Variants in MAF observed in about 807,000 individuals in gnomAD.
MAF encodes the protein transcription factor Maf.
MAF carries 10 observed loss-of-function variants against 22.0 expected under a neutral mutation model. The observed-to-expected ratio is 0.45, with a 90% confidence interval of 0.28 to 0.77. MAF has a LOEUF of 0.77. Ranked by LOEUF, MAF falls within the 30% of genes least tolerant of loss-of-function variation. The probability of loss-of-function intolerance (pLI) is 0.12; values close to 1 mark genes in which losing one functional copy is unlikely to be tolerated. For synonymous variants in MAF, 337 were observed against 255.8 expected, an observed-to-expected ratio of 1.32 and a Z score of -3.03; for missense variants, 544 against 548.4, an observed-to-expected ratio of 0.99 and a Z score of 0.08.
chr16:79,460,936 T>G, the MAF span, among the ~76,000 whole-genome samples: 1 of 152,196 alleles, frequency 6.6e-6, no homozygotes, highest in South Asian at 2.1e-4. Context: ...CTTTCTTTCT[T>G]TTTCAGCTCT....
chr16:79,498,733 C>G, the MAF span, among the ~76,000 whole-genome samples: 1 of 152,190 alleles, frequency 6.6e-6, no homozygotes, highest in Non-Finnish European at 1.5e-5. Context: ...TTCTGGAATC[C>G]TTGTATATAA....
At chr16:79,231,466 A>AAACAGTGGTCTCG in the MAF span, among the ~76,000 whole-genome samples, 1 of 152,138 alleles carries the variant, frequency 6.6e-6, no homozygotes, top group Non-Finnish European at 1.5e-5. Context: ...ATGGAACAGA[A>AAACAGTGGTCTCG]AACAGTGGTC....
At chr16:79,213,013 C>CAATT in the MAF span, 1 of 122,850 alleles carries the variant, frequency 8.1e-6, no homozygotes, top group Non-Finnish European at 1.8e-5. Flanking sequence ...TGCTCCCCTG[C>CAATT]AATTAGCAAG....
At chr16:79,407,093 G>A in the MAF span, among the ~76,000 whole-genome samples, 1 of 152,236 alleles carries the variant, frequency 6.6e-6, no homozygotes, top group Admixed American at 6.5e-5. Context: ...TGGCACCAGG[G>A]AGGGTGTCGT....
the MAF span, among the ~76,000 whole-genome samples, chr16:79,311,011 C>T: frequency 6.8e-6 from 1 of 146,940 alleles, no homozygotes; most frequent in East Asian, 2.4e-4. Flanking sequence ...GCTGCGGCTG[C>T]TTTTTCATTT....
chr16:79,386,222 T>A, the MAF span, among the ~76,000 whole-genome samples: 1 of 152,182 alleles, frequency 6.6e-6, no homozygotes, highest in East Asian at 1.9e-4. Flanking sequence ...ATTATTATAC[T>A]GGAATATATA....
the MAF span, among the ~76,000 whole-genome samples, chr16:79,341,115 C>A: frequency 6.6e-6 from 1 of 151,990 alleles, no homozygotes; most frequent in Non-Finnish European, 1.5e-5. Context: ...AGTGTAGGGG[C>A]AGGTGTGGGC....
the MAF span, among the ~76,000 whole-genome samples, chr16:79,442,963 G>T: frequency 6.6e-6 from 1 of 152,172 alleles, no homozygotes; most frequent in Non-Finnish European, 1.5e-5. Context: ...CAGAAATAAG[G>T]GTGGATGAAA....
At chr16:79,507,358 C>T in the MAF span, among the ~76,000 whole-genome samples, 34 of 151,586 alleles carry the variant, frequency 2.2e-4, no homozygotes, top group East Asian at 1.2e-3. Flanking sequence ...CATTGTGATC[C>T]GCCTGCCTTG....
chr16:79,474,369 A>G, the MAF span, among the ~76,000 whole-genome samples: 4 of 152,312 alleles, frequency 2.6e-5, no homozygotes, highest in South Asian at 2.1e-4. Flanking sequence ...ATGAATCCAC[A>G]TATTTCTATC....
chr16:79,496,563 G>T, the MAF span, among the ~76,000 whole-genome samples: 1 of 152,156 alleles, frequency 6.6e-6, no homozygotes, highest in South Asian at 2.1e-4. Context: ...GTTTCTTGCC[G>T]TGGTATTATA....
chr16:79,545,750 G>C, the MAF span, among the ~76,000 whole-genome samples: 1 of 152,094 alleles, frequency 6.6e-6, no homozygotes, highest in Non-Finnish European at 1.5e-5. Flanking sequence ...GCCAGGGGAT[G>C]GGGAGTGGGG....
chr16:79,260,684 G>A, the MAF span, among the ~76,000 whole-genome samples: 5 of 152,298 alleles, frequency 3.3e-5, no homozygotes, highest in South Asian at 2.1e-4. Flanking sequence ...TTCAACAGGC[G>A]AAGCATCGGT....
Position 79,598,441 on chromosome 16 carries a change from G to A in MAF, c.1118+344C>T, listed in dbSNP as rs1454939163. ...TTGAACATTGTGCAAGTCCGGGGGT[G>A]GGGCGGGGGGGTGTAAAAAAAAAAA... On this transcript the variant is annotated intron_variant, in intron 1 of 1. Coordinates refer to ENST00000326043, the MANE Select transcript of MAF (RefSeq NM_005360.5). 6.4e-6 allele frequency: 8 copies of A among 1,242,380 alleles called. No homozygotes were observed. In the East Asian group the frequency reaches 1.4e-4, roughly 22 times the overall value. 77.0% of individuals were successfully genotyped at this position (1,242,380 alleles called of 1,614,324 possible).
the MAF span, among the ~76,000 whole-genome samples, chr16:79,408,026 G>A: frequency 7.7e-6 from 1 of 129,926 alleles, no homozygotes. Flanking sequence ...TGAAGAGGCG[G>A]GCGCCATAAG....
chr16:79,563,351 C>T, the MAF span, among the ~76,000 whole-genome samples: 2 of 152,314 alleles, frequency 1.3e-5, no homozygotes, highest in Non-Finnish European at 2.9e-5. Context: ...ACTCTAACTA[C>T]TTTGTGTTTA....
chr16:79,237,357 G>A, the MAF span, among the ~76,000 whole-genome samples: 45 of 152,152 alleles, frequency 3.0e-4, no homozygotes, highest in African/African-American at 1.1e-3. Flanking sequence ...GGCGTTTGCT[G>A]GTGGCTTGGG....
the MAF span, among the ~76,000 whole-genome samples, chr16:79,344,813 G>T: frequency 6.6e-6 from 1 of 152,134 alleles, no homozygotes; most frequent in Non-Finnish European, 1.5e-5. Flanking sequence ...CTTGCTAAAG[G>T]TAGAAATCAT....
At chr16:79,409,868 C>A in the MAF span, among the ~76,000 whole-genome samples, 1 of 152,344 alleles carries the variant, frequency 6.6e-6, no homozygotes, top group South Asian at 2.1e-4. Flanking sequence ...AACGTGGTGA[C>A]TGAAGCCTTG....
Sources: allele counts gnomAD v4.1 joint callset (sites outside exome capture counted in the v4.1 genomes callset), GRCh38; gene constraint gnomAD v4.1.1; transcripts MANE v1.5; gene names NCBI Gene and HGNC (gene_info 2026-07-23, HGNC 2026-07-21).